Variants in ASIC5 observed in about 807,000 individuals in gnomAD.
ASIC5 encodes the protein acid sensing ion channel subunit family member 5, also known as bile acid-sensitive ion channel.
Under a neutral mutation model 51.2 loss-of-function variants are expected in ASIC5, and 52 were observed. The observed-to-expected ratio is 1.02, with a 90% CI of 0.81 to 1.28. The LOEUF is 1.28. ASIC5 is among the 50% of genes most tolerant of loss of function. The pLI is 0.00. For missense variants in ASIC5, 635 were observed against 595.0 expected (o/e 1.07, Z -0.70); for synonymous variants, 231 against 200.7 (o/e 1.15, Z -1.28).
At chr4:155,831,527 C>G (rs1175789521) in intron 9 of ASIC5, among the ~76,000 whole-genome samples, 2 of 152,104 alleles carry the variant, frequency 1.3e-5, no homozygotes, top group Non-Finnish European at 2.9e-5. Context: ...ATCCCAGCAC[C>G]TCAGGAGGCC....
chr4:155,847,864 A>C (rs1244158045), intron 4 of ASIC5, among the ~76,000 whole-genome samples: 2 of 152,076 alleles, frequency 1.3e-5, no homozygotes, highest in Non-Finnish European at 1.5e-5. Flanking sequence ...AAAAGACAAA[A>C]TAAGTTCAGT....
intron 2 of ASIC5, among the ~76,000 whole-genome samples, chr4:155,860,603 G>A (rs1278646960): frequency 6.6e-6 from 1 of 151,752 alleles, no homozygotes; most frequent in African/African-American, 2.4e-5. Flanking sequence ...TTAATTTTTT[G>A]TTCCCTAAGG....
At chr4:155,852,686 G>A (rs1741411975) in intron 3 of ASIC5, among the ~76,000 whole-genome samples, 1 of 145,704 alleles carries the variant, frequency 6.9e-6, no homozygotes, top group South Asian at 2.3e-4. Flanking sequence ...TATGGTCACA[G>A]TGTGGCAGTC....
intron 4 of ASIC5, among the ~76,000 whole-genome samples, chr4:155,851,684 A>G (rs1741384829): frequency 6.6e-6 from 1 of 151,998 alleles, no homozygotes; most frequent in African/African-American, 2.4e-5. Flanking sequence ...AGAACTTATT[A>G]GGTCAATTTC....
At chr4:155,835,564 C>T (rs1740960185) in intron 8 of ASIC5, among the ~76,000 whole-genome samples, 1 of 152,142 alleles carries the variant, frequency 6.6e-6, no homozygotes, top group Non-Finnish European at 1.5e-5. Context: ...TTTCTATCAA[C>T]CAAAAGACAC....
At chr4:155,839,132 G>T (rs757352705) in intron 6 of ASIC5, among the ~76,000 whole-genome samples, 1 of 152,040 alleles carries the variant, frequency 6.6e-6, no homozygotes, top group East Asian at 1.9e-4. Context: ...ATCTTTAAGC[G>T]GGAATAATAA....
At chr4:155,862,601 G>C (rs1741739267) in intron 2 of ASIC5, among the ~76,000 whole-genome samples, 1 of 152,104 alleles carries the variant, frequency 6.6e-6, no homozygotes, top group African/African-American at 2.4e-5. Context: ...CCTCTTAGCA[G>C]ATTTGGTGTA....
intron 2 of ASIC5, among the ~76,000 whole-genome samples, chr4:155,856,947 A>G (rs1741557853): frequency 6.6e-6 from 1 of 152,118 alleles, no homozygotes; most frequent in African/African-American, 2.4e-5. Flanking sequence ...AGGGCATCTT[A>G]AAATATTTTT....
chr4:155,863,716 G>A lies in ASIC5; in HGVS notation c.79C>T (p.Pro27Ser), dbSNP rs1490150325. The change falls in exon 2 of 10, where the codon CCA becomes TCA. Residue 27 changes from proline to serine, a missense_variant. Pro to Ser is a moderately conservative substitution (Grantham distance 74). Coordinates refer to ENST00000537611, the MANE Select transcript of ASIC5 (RefSeq NM_017419.3). Reference protein sequence around the residue: ...EKIKLCLSKKPLPSPTERKKF... With the variant: ...EKIKLCLSKKSLPSPTERKKF... Reference sequence around the variant, plus strand: ...TTTCGCTCAGTGGGAGATGGCAGTGGTTTCTTTGAAAGGCAAAGCTTTATC... The same window carrying A: ...TTTCGCTCAGTGGGAGATGGCAGTGATTTCTTTGAAAGGCAAAGCTTTATC... 6.2e-7 allele frequency: 1 copy of A among 1,613,532 alleles called. No homozygotes were observed. Among genetic ancestry groups the A allele is most frequent in the Non-Finnish European group, 8.5e-7 (1 of 1,179,840 alleles).
intron 9 of ASIC5, among the ~76,000 whole-genome samples, chr4:155,831,115 A>T (rs1457331318): frequency 6.6e-6 from 1 of 152,214 alleles, no homozygotes; most frequent in Non-Finnish European, 1.5e-5. Context: ...GCAAGTGAGC[A>T]GGCAGTGGTT....
intron 9 of ASIC5, among the ~76,000 whole-genome samples, chr4:155,831,534 G>A (rs1740869637): frequency 6.6e-6 from 1 of 152,150 alleles, no homozygotes; most frequent in Admixed American, 6.5e-5. Flanking sequence ...CACCTCAGGA[G>A]GCCAATGTGG....
intron 2 of ASIC5, among the ~76,000 whole-genome samples, chr4:155,863,094 G>T (rs1198753840): frequency 6.6e-6 from 1 of 152,096 alleles, no homozygotes; most frequent in Non-Finnish European, 1.5e-5. Flanking sequence ...TATAATTTCA[G>T]CACTTTGGGA....
intron 9 of ASIC5, among the ~76,000 whole-genome samples, chr4:155,831,207 TTA>T (rs1740864036): frequency 6.6e-6 from 1 of 152,148 alleles, no homozygotes; most frequent in African/African-American, 2.4e-5. Context: ...TGGCTGACAT[TTA>T]CCCAGGTGTA....
At chr4:155,831,587 C>T (rs1016292985) in intron 9 of ASIC5, among the ~76,000 whole-genome samples, 15 of 152,000 alleles carry the variant, frequency 9.9e-5, no homozygotes, top group South Asian at 2.1e-4. Context: ...CTGGCCAACA[C>T]GGTGAAACCC....
rs553788370 is a variant in ASIC5 at position 155,863,828 on chromosome 4, C to T, written c.41-74G>A. ...AACCTTAATGCTATCCGTAAAAAAA[C>T]ACAACTCACATAATTTAAAGAGGTG... On this transcript the variant is annotated intron_variant, in intron 1 of 9. Coordinates refer to ENST00000537611, the MANE Select transcript of ASIC5 (RefSeq NM_017419.3). 1.3e-4 allele frequency: 158 copies of T among 1,185,122 alleles called. 1 individual carries two copies. In the African/African-American group the frequency reaches 2.2e-3, roughly 16 times the overall value. The allele number at this position is 1,185,122 out of a possible 1,614,324, so 73.4% of individuals were successfully genotyped here.
intron 2 of ASIC5, chr4:155,855,010 C>T (rs1377386799): frequency 6.6e-6 from 1 of 152,128 alleles, no homozygotes; most frequent in Non-Finnish European, 1.5e-5. Context: ...GCTGGCCCTG[C>T]TTACTTCAGC....
chr4:155,855,208 T>G (rs566382070), intron 2 of ASIC5: 1 of 152,204 alleles, frequency 6.6e-6, no homozygotes, highest in Non-Finnish European at 1.5e-5. Flanking sequence ...TTCATTTCCC[T>G]CTGACTTAAG....
intron 8 of ASIC5, among the ~76,000 whole-genome samples, chr4:155,832,610 G>A (rs1054356805): frequency 1.3e-5 from 2 of 152,050 alleles, no homozygotes; most frequent in African/African-American, 4.8e-5. Flanking sequence ...AATATATTCA[G>A]TTCATTCTTA....
At chr4:155,851,917 C>T (rs573658076) in intron 4 of ASIC5, among the ~76,000 whole-genome samples, 2 of 152,080 alleles carry the variant, frequency 1.3e-5, no homozygotes, top group South Asian at 4.1e-4. Flanking sequence ...CTTAGAATCT[C>T]TGGGTTTTCT....
Sources: gnomAD v4.1 joint callset for allele counts (sites outside exome capture counted in the v4.1 genomes callset) on GRCh38, gnomAD v4.1.1 for gene constraint, MANE v1.5 for transcripts, NCBI Gene and HGNC (gene_info 2026-07-23, HGNC 2026-07-21) for gene names.